Variants in KLHL38 observed in about 807,000 individuals in gnomAD.
The protein encoded by KLHL38 is kelch like family member 38, also known as kelch-like protein 38.
A neutral mutation model predicts 39.6 loss-of-function variants in KLHL38; 38 were observed. The ratio of observed to expected loss-of-function variants is 0.96; its 90% confidence interval spans 0.74 to 1.26. The LOEUF (loss-of-function observed/expected upper bound fraction) is 1.26, where lower values mean the gene tolerates loss of function less well. KLHL38 is among the 50% of genes most tolerant of loss of function. The pLI is 0.00. For synonymous variants in KLHL38, 322 were observed against 302.2 expected (o/e 1.07, Z -0.68); for missense variants, 803 against 748.1 (o/e 1.07, Z -0.86).
intron 1 of KLHL38, 151 bp from the exon 2 acceptor site, chr8:123,653,078 G>A (rs1812689766): frequency 2.5e-6 from 2 of 791,622 alleles, no homozygotes; most frequent in South Asian, 2.1e-5. Context: ...ATATTGTGTA[G>A]GGAAGATTGG....
At chr8:123,648,765 G>A (rs1350406748) in intron 2 of KLHL38, among the ~76,000 whole-genome samples, 2 of 152,154 alleles carry the variant, frequency 1.3e-5, no homozygotes, top group Admixed American at 6.5e-5. Context: ...AGGCCAGGTG[G>A]AAAGGTACAG....
At position 123,645,901 on chromosome 8, in the gene KLHL38, C is replaced by T; in HGVS notation, c.1584G>A (p.Gly528=). 1 of 1,614,112 alleles carries T rather than the reference C, an allele frequency of 6.2e-7. No individual in the cohort carries two copies. Among genetic ancestry groups the T allele is most frequent in the Non-Finnish European group, 8.5e-7 (1 of 1,180,012 alleles). ...VMGNKLYVTG[G]RRLTTDCNIE... ...TGTTGCAGTCCGTGGTCAGCCGCCG[C>T]CCGCCCGTCACGTAGAGTTTGTTTC... Residue 528 remains glycine, a synonymous_variant, in exon 4 of 4, where the codon GGG becomes GGA. Coordinates refer to ENST00000684634, the MANE Select transcript of KLHL38 (RefSeq NM_001081675.3).
intron 1 of KLHL38, among the ~76,000 whole-genome samples, 148 bp downstream of exon 1, chr8:123,653,438 G>A (rs925092635): frequency 6.6e-6 from 1 of 152,194 alleles, no homozygotes; most frequent in Non-Finnish European, 1.5e-5. Flanking sequence ...GAAGAAAATG[G>A]ACCTTTGATG....
At chr8:123,646,627 C>T (rs891181675) in intron 3 of KLHL38, among the ~76,000 whole-genome samples, 8 of 152,122 alleles carry the variant, frequency 5.3e-5, no homozygotes, top group African/African-American at 1.7e-4. Flanking sequence ...TTTTATTTAC[C>T]GTGTATCTGG....
chr8:123,652,784 T>A lies in KLHL38; in HGVS notation c.143A>T (p.His48Leu). 5 of 1,614,090 alleles carry A rather than the reference T, an allele frequency of 3.1e-6. No individual in the cohort carries two copies. The highest frequency in any genetic ancestry group is 4.2e-6 in the Non-Finnish European group (5 of 1,180,022). ...ICAGAREIPCHRNVLASSSPY... is the reference protein window; with the variant it reads ...ICAGAREIPCLRNVLASSSPY... ...GCTGCTGGAGGCCAGCACGTTGCGG[T>A]GGCAGGGGATCTCCCGGGCACCGGC... The change falls in exon 2 of 4, where the codon CAC (histidine) becomes CTC (leucine). Residue 48 changes from histidine to leucine, a missense_variant. His to Leu is a moderately conservative substitution (Grantham distance 99). Coordinates refer to ENST00000684634, the MANE Select transcript of KLHL38 (RefSeq NM_001081675.3).
rs560501043 is a variant in KLHL38, at chr8:123,645,209, C to T, written c.*530G>A. Among the ~76,000 whole-genome samples the T allele has an allele frequency of 9.9e-5, 15 of 152,096 alleles. No individual in the cohort carries two copies. Among genetic ancestry groups the T allele is most frequent in the Admixed American group, 6.5e-4 (10 of 15,288 alleles). ...ATCTCAGCATTTGGGAGGCTGAGGC[C>T]GGTGGATCACTTGAGACCAGGAGTT... On this transcript the variant is annotated 3_prime_UTR_variant, in exon 4 of 4. Transcript: ENST00000684634.
rs1812647592 is a variant in KLHL38, at chr8:123,651,685, C to T, written c.1242G>A (p.Met414Ile). 6.2e-7 allele frequency: 1 copy of T among 1,614,030 alleles called. No homozygotes were observed. Among genetic ancestry groups the T allele is most frequent in the Non-Finnish European group, 8.5e-7 (1 of 1,180,028 alleles). The change falls in exon 2 of 4, where the codon ATG (methionine) becomes ATA (isoleucine). Residue 414 changes from methionine (M) to isoleucine (I), a missense_variant. By Grantham distance (10) the Met-to-Ile change is conservative (BLOSUM62 1). Coordinates refer to ENST00000684634, the MANE Select transcript of KLHL38 (RefSeq NM_001081675.3). ...YDSICNVWES[M>I]ASMPVGVLHP... ...GGAGCACCCCCACGGGCATGCTGGC[C>T]ATACTCTCCCAGACATTGCAGATGC...
rs1352828872 is a variant in KLHL38 at position 123,652,117 on chromosome 8, G to A, written c.810C>T (p.Cys270=). ...TTGGAGGGACATGCAACAGGAGTTT[G>A]CAGTCTGGGACGGTGGTGCCACACA... The part of the protein sequence containing the change: ...FSLCGTTVPD[C]KLLLHVPPRN... Residue 270 remains cysteine, a synonymous_variant, in exon 2 of 4, where the codon TGC becomes TGT. Coordinates refer to ENST00000684634, the MANE Select transcript of KLHL38 (RefSeq NM_001081675.3). 13 of 1,614,208 alleles carry A rather than the reference G, an allele frequency of 8.1e-6. No individual in the cohort carries two copies. The East Asian group carries it at 2.9e-4, about 36-fold the overall frequency.
chr8:123,648,842 G>T (rs983235530), intron 2 of KLHL38, among the ~76,000 whole-genome samples: 4 of 152,148 alleles, frequency 2.6e-5, no homozygotes, highest in Non-Finnish European at 5.9e-5. Flanking sequence ...ACACACAGAT[G>T]AACAAGCCTA....
At chr8:123,646,136 G>A in intron 3 of KLHL38, 108 bp from the exon 4 acceptor site, 1 of 1,039,214 alleles carries the variant, frequency 9.6e-7, no homozygotes, top group Non-Finnish European at 1.5e-6. Context: ...GCTGAGGCTG[G>A]GGCTCTGAAC....
At position 123,645,164 on chromosome 8, in the gene KLHL38, C is replaced by A. The variant is rs1371523998; in HGVS notation, c.*575G>T. Among the ~76,000 whole-genome samples the A allele has an allele frequency of 1.3e-5, 2 of 151,760 alleles. No homozygotes were observed. On this transcript the variant is annotated 3_prime_UTR_variant, in exon 4 of 4. Transcript: ENST00000684634. ...TGAGACAGAAAGGAGACAGGCCAGGCGTGGTGGCTCACGCCTGTAATCTCA... is the reference window on the plus strand; with the variant it reads ...TGAGACAGAAAGGAGACAGGCCAGGAGTGGTGGCTCACGCCTGTAATCTCA...
At chr8:123,649,506 C>A (rs772719642) in intron 2 of KLHL38, among the ~76,000 whole-genome samples, 1 of 152,184 alleles carries the variant, frequency 6.6e-6, no homozygotes, top group Non-Finnish European at 1.5e-5. Flanking sequence ...TCCACTCAGG[C>A]CCCCTCCAAT....
At chr8:123,648,894 C>T (rs937163577) in intron 2 of KLHL38, among the ~76,000 whole-genome samples, 2 of 152,204 alleles carry the variant, frequency 1.3e-5, no homozygotes, top group African/African-American at 4.8e-5. Flanking sequence ...CCAACCTGCT[C>T]CATCAAGTGA....
intron 2 of KLHL38, among the ~76,000 whole-genome samples, chr8:123,651,368 A>G (rs1021773068): frequency 4.6e-5 from 7 of 152,248 alleles, no homozygotes; most frequent in Non-Finnish European, 8.8e-5. Flanking sequence ...ATGTGTATGC[A>G]TGTATGCATG....
Position 123,652,014 on chromosome 8 carries a change from A to G in KLHL38, c.913T>C (p.Tyr305His), listed in dbSNP as rs1437668065. ...SQQTTRDVLL[Y>H]SKQTGQWQSL... ...TGCCATTGGCCGGTCTGTTTGCTGT[A>G]CAGTAGGACGTCCCTGGTGGTCTGC... Residue 305 changes from tyrosine to histidine, a missense_variant, in exon 2 of 4, where the codon TAC becomes CAC. Coordinates refer to ENST00000684634, the MANE Select transcript of KLHL38 (RefSeq NM_001081675.3). 1 of 1,614,216 alleles carries G rather than the reference A, an allele frequency of 6.2e-7. No homozygotes were observed. Among genetic ancestry groups the G allele is most frequent in the South Asian group, 1.1e-5 (1 of 91,088 alleles).
In KLHL38 at chr8:123,648,371, CT is replaced by C. The variant is rs1457839191; in HGVS notation, c.1351-1358del. On this transcript the variant is annotated intron_variant, in intron 2 of 3. Transcript: ENST00000684634. Reference sequence around the variant, plus strand: ...CCTTTCCTGATGAAGGCTTTTGAGACTGGAGACCTCGTGAGGTCTCTGTCTG... The same window carrying C: ...CCTTTCCTGATGAAGGCTTTTGAGACGGAGACCTCGTGAGGTCTCTGTCTG... 3.9e-5 allele frequency among the ~76,000 whole-genome samples: 6 copies of C among 152,256 alleles called. No homozygotes were observed. The East Asian group carries it at 9.7e-4, about 25-fold the overall frequency.
Position 123,651,689 on chromosome 8 carries a change from C to A in KLHL38, c.1238G>T (p.Ser413Ile). Reference sequence around the variant, plus strand: ...CACCCCCACGGGCATGCTGGCCATACTCTCCCAGACATTGCAGATGCTGTC... The same window carrying A: ...CACCCCCACGGGCATGCTGGCCATAATCTCCCAGACATTGCAGATGCTGTC... ...RYDSICNVWE[S>I]MASMPVGVLH... Residue 413 changes from serine (S) to isoleucine (I), a missense_variant, in exon 2 of 4, where the codon AGT (serine) becomes ATT (isoleucine). Physicochemically the swap from Ser to Ile is moderately radical, Grantham distance 142. Transcript: ENST00000684634. 6.2e-7 allele frequency: 1 copy of A among 1,614,208 alleles called. No individual in the cohort carries two copies.
At chr8:123,649,854 T>C (rs1426132790) in intron 2 of KLHL38, among the ~76,000 whole-genome samples, 4 of 152,168 alleles carry the variant, frequency 2.6e-5, no homozygotes, top group African/African-American at 4.8e-5. Flanking sequence ...CTTTGCTCTG[T>C]CTTGCAACTC....
rs372850250 is a variant in KLHL38, at chr8:123,652,798, C to T, written c.129G>A (p.Arg43=). The change falls in exon 2 of 4, where the codon CGG becomes CGA. Residue 43 remains arginine, a synonymous_variant. Coordinates refer to ENST00000684634, the MANE Select transcript of KLHL38 (RefSeq NM_001081675.3). ...GCACGTTGCGGTGGCAGGGGATCTCCCGGGCACCGGCACAGATGCTCACAT... is the reference window on the plus strand; with the variant it reads ...GCACGTTGCGGTGGCAGGGGATCTCTCGGGCACCGGCACAGATGCTCACAT... The part of the protein sequence containing the change: ...LTDVSICAGA[R]EIPCHRNVLA... 26 of 1,613,822 alleles carry T rather than the reference C, an allele frequency of 1.6e-5. No individual in the cohort carries two copies. Among genetic ancestry groups the T allele is most frequent in the Non-Finnish European group, 2.1e-5 (25 of 1,180,034 alleles).
Sources: allele counts gnomAD v4.1 joint callset (sites outside exome capture counted in the v4.1 genomes callset), GRCh38; gene constraint gnomAD v4.1.1; transcripts MANE v1.5; gene names NCBI Gene and HGNC (gene_info 2026-07-23, HGNC 2026-07-21).